CLVS2: variants seen among roughly 807,000 people sequenced by gnomAD.
The protein encoded by CLVS2 is clavesin 2, also known as clavesin-2.
In CLVS2, 19 loss-of-function variants were observed where a neutral mutation model predicts 29.0. That is an observed-to-expected ratio of 0.66 (90% confidence interval 0.46 to 0.96). CLVS2 has a LOEUF of 0.96. CLVS2 is among the 40% of genes least tolerant of loss of function. The pLI is 0.00. For synonymous variants in CLVS2, 161 were observed against 151.3 expected, an observed-to-expected ratio of 1.06 and a Z score of -0.47; for missense variants, 294 against 404.1, an observed-to-expected ratio of 0.73 and a Z score of 2.34.
chr6:123,004,892 G>T lies in CLVS2; in HGVS notation c.390-6093G>T, dbSNP rs142583848. ...CGTGCCATTGCACTCCAGCCTGGGC[G>T]ACAAGAGCAAAACTCCATCTCCAAA... On this transcript the variant is annotated intron_variant, in intron 2 of 5. Transcript: ENST00000275162. 5.5e-3 allele frequency among the ~76,000 whole-genome samples: 832 copies of T among 150,958 alleles called. 8 individuals carry two copies. The highest frequency in any genetic ancestry group is 0.013 in the East Asian group (64 of 5,114).
chr6:123,052,585 A>G (rs1772628192), intron 4 of CLVS2, among the ~76,000 whole-genome samples: 1 of 152,194 alleles, frequency 6.6e-6, no homozygotes, highest in African/African-American at 2.4e-5. Context: ...AAAGGATAGT[A>G]GCTGTGTTAT....
chr6:123,024,809 C>T (rs928237011), intron 3 of CLVS2, among the ~76,000 whole-genome samples: 1 of 152,014 alleles, frequency 6.6e-6, no homozygotes, highest in African/African-American at 2.4e-5. Flanking sequence ...AGTTGTCACA[C>T]TTGGAATGGC....
intron 3 of CLVS2, among the ~76,000 whole-genome samples, chr6:123,027,173 T>A (rs1322244578): frequency 6.6e-6 from 1 of 152,196 alleles, no homozygotes; most frequent in Non-Finnish European, 1.5e-5. Flanking sequence ...TGATGCACTT[T>A]GAATTTAAAC....
At chr6:123,023,124 C>T (rs4473883) in intron 3 of CLVS2, among the ~76,000 whole-genome samples, 112,563 of 151,998 alleles carry the variant, frequency 0.74, 42,154 homozygotes, top group East Asian at 0.92. Flanking sequence ...ACTTAAACAT[C>T]GTTTAGGAAC....
intron 3 of CLVS2, among the ~76,000 whole-genome samples, chr6:123,039,244 C>T (rs1562170943): frequency 6.6e-6 from 1 of 152,092 alleles, no homozygotes. Flanking sequence ...TCTAAAGTAG[C>T]TTGAAAGTCA....
intron 2 of CLVS2, among the ~76,000 whole-genome samples, chr6:123,004,267 T>C (rs768503727): frequency 6.6e-6 from 1 of 152,236 alleles, no homozygotes; most frequent in African/African-American, 2.4e-5. Context: ...TGGCAATAGA[T>C]GCAAAAGTTT....
At chr6:123,045,303 C>T (rs1049641404) in intron 3 of CLVS2, among the ~76,000 whole-genome samples, 2 of 151,914 alleles carry the variant, frequency 1.3e-5, no homozygotes, top group Non-Finnish European at 2.9e-5. Context: ...TGTTTAAGGC[C>T]ACATTGGAAG....
chr6:123,042,742 T>C lies in CLVS2; in HGVS notation c.565-5880T>C, dbSNP rs908189450. Among the ~76,000 whole-genome samples, 8 of 152,178 alleles carry C rather than the reference T, an allele frequency of 5.3e-5. No homozygotes were observed. The East Asian group carries it at 1.3e-3, about 26-fold the overall frequency. ...TTCGTCAGGAAGGCAAGTGAATGGC[T>C]TGCCTGGATCTGTCTGTCCACTAGT... On this transcript the variant is annotated intron_variant, in intron 3 of 5. Coordinates refer to ENST00000275162, the MANE Select transcript of CLVS2 (RefSeq NM_001010852.4).
intron 3 of CLVS2, among the ~76,000 whole-genome samples, chr6:123,017,484 G>C (rs1019635008): frequency 2.6e-5 from 4 of 152,048 alleles, no homozygotes; most frequent in Non-Finnish European, 5.9e-5. Context: ...CAGTGACAAG[G>C]GTAGTGTGTA....
chr6:123,062,509 C>A (rs1384424285), intron 5 of CLVS2, among the ~76,000 whole-genome samples: 2 of 151,814 alleles, frequency 1.3e-5, no homozygotes, highest in East Asian at 3.9e-4. Flanking sequence ...GCATCTAATG[C>A]CTATTTAATA....
chr6:123,003,325 T>C (rs1189549560), intron 2 of CLVS2, among the ~76,000 whole-genome samples: 3 of 152,196 alleles, frequency 2.0e-5, no homozygotes, highest in Non-Finnish European at 4.4e-5. Flanking sequence ...AAAAGAAATG[T>C]TTAAAGATAT....
chr6:123,020,818 T>C (rs1158470385), intron 3 of CLVS2, among the ~76,000 whole-genome samples: 2 of 152,096 alleles, frequency 1.3e-5, no homozygotes, highest in Non-Finnish European at 2.9e-5. Context: ...AATAATCAAC[T>C]TTCCTCTTGG....
chr6:122,997,190 C>T (rs757483920), intron 1 of CLVS2, 29 bp from the exon 2 acceptor site: 5 of 167,580 alleles, frequency 3.0e-5, no homozygotes, highest in African/African-American at 1.2e-4. Flanking sequence ...CCCCCTCTTT[C>T]TCTCTGTCTC....
Position 123,049,282 on chromosome 6 carries a change from T to C in CLVS2, c.675+550T>C, listed in dbSNP as rs530062946. Among the ~76,000 whole-genome samples, 3 of 152,278 alleles carry C rather than the reference T, an allele frequency of 2.0e-5. No individual in the cohort carries two copies. The South Asian group carries it at 6.2e-4, about 32-fold the overall frequency. ...CTTTAAATTCACTTTAATCTAACAA[T>C]GAGGATAGTCAAAGTGCATAAAACA... On this transcript the variant is annotated intron_variant, in intron 4 of 5. Coordinates refer to ENST00000275162, the MANE Select transcript of CLVS2 (RefSeq NM_001010852.4).
intron 2 of CLVS2, 72 bp from the exon 3 acceptor site, chr6:123,010,913 C>T: frequency 9.8e-7 from 1 of 1,017,590 alleles, no homozygotes; most frequent in South Asian, 2.8e-5. Context: ...TTTTAGTGTG[C>T]TAGAAAATAT....
intron 4 of CLVS2, among the ~76,000 whole-genome samples, chr6:123,054,876 A>C (rs771606346): frequency 6.6e-6 from 1 of 151,942 alleles, no homozygotes; most frequent in Non-Finnish European, 1.5e-5. Context: ...TCAGAAATGC[A>C]TGAAGAAAAT....
intron 3 of CLVS2, among the ~76,000 whole-genome samples, chr6:123,046,397 C>T (rs1011802710): frequency 5.3e-5 from 8 of 152,108 alleles, no homozygotes; most frequent in South Asian, 2.1e-4. Flanking sequence ...CAGTAGCTCA[C>T]GCCTGTAATC....
chr6:123,014,171 A>G (rs1293553138), intron 3 of CLVS2, among the ~76,000 whole-genome samples: 1 of 152,158 alleles, frequency 6.6e-6, no homozygotes, highest in Non-Finnish European at 1.5e-5. Context: ...CTTTGGGTAT[A>G]TACCCAGTAA....
chr6:123,054,184 G>T (rs1772657754), intron 4 of CLVS2, among the ~76,000 whole-genome samples: 1 of 152,124 alleles, frequency 6.6e-6, no homozygotes, highest in Non-Finnish European at 1.5e-5. Context: ...TAAAATAAAA[G>T]TTATATATCT....
Sources: allele counts gnomAD v4.1 joint callset (sites outside exome capture counted in the v4.1 genomes callset), GRCh38; gene constraint gnomAD v4.1.1; transcripts MANE v1.5; gene names NCBI Gene and HGNC (gene_info 2026-07-23, HGNC 2026-07-21).